The following GLIS3 variants were observed in gnomAD, a reference collection of about 807,000 sequenced individuals.
GLIS3 encodes zinc finger protein GLIS3.
Under a neutral mutation model 78.6 loss-of-function variants are expected in GLIS3, and 53 were observed. That is an observed-to-expected ratio of 0.67 (90% CI 0.54 to 0.85). The LOEUF is 0.85. GLIS3 is among the 40% of genes least tolerant of loss of function. GLIS3 has a pLI of 0.00. For missense variants in GLIS3, 1,703 were observed against 1,231.1 expected, an observed-to-expected ratio of 1.38 and a Z score of -5.74; for synonymous variants, 684 against 509.9, an observed-to-expected ratio of 1.34 and a Z score of -4.60.
intron 2 of GLIS3, among the ~76,000 whole-genome samples, chr9:4,140,893 G>T (rs146942950): frequency 6.6e-6 from 1 of 151,736 alleles, no homozygotes; most frequent in Non-Finnish European, 1.5e-5. Flanking sequence ...CCGCCTCCTG[G>T]GTTCAAGCGA....
rs148129441 is a variant in GLIS3, at chr9:3,931,135, A to C, written c.1983+1225T>G. ...ACATTTCTAGGAAAAAAATGATTTT[A>C]ACAATTAACTTACAAGAGTGGGTTT... On this transcript the variant is annotated intron_variant, in intron 6 of 10. Coordinates refer to ENST00000381971, the MANE Select transcript of GLIS3 (RefSeq NM_001042413.2). 5.0e-3 allele frequency among the ~76,000 whole-genome samples: 755 copies of C among 152,284 alleles called. 11 individuals are homozygous for C. The highest frequency in any genetic ancestry group is 0.017 in the African/African-American group (718 of 41,550).
chr9:3,951,970 C>A (rs181883787), intron 4 of GLIS3, among the ~76,000 whole-genome samples: 84 of 151,944 alleles, frequency 5.5e-4, no homozygotes, highest in Middle Eastern at 3.4e-3. Flanking sequence ...CGGCTGATCA[C>A]TGGCACAATG....
At chr9:4,345,178 G>C (rs763342635) in intron 2 of GLIS3, among the ~76,000 whole-genome samples, 4 of 152,088 alleles carry the variant, frequency 2.6e-5, no homozygotes, top group African/African-American at 9.7e-5. Context: ...TCCTGCCACT[G>C]GGCCCCTGCG....
chr9:4,266,149 A>C (rs144945206), intron 2 of GLIS3, among the ~76,000 whole-genome samples: 45 of 151,768 alleles, frequency 3.0e-4, no homozygotes, highest in African/African-American at 9.9e-4. Flanking sequence ...CGATCTCCTG[A>C]CCTCATGATC....
chr9:4,244,305 T>C (rs1030642520), intron 2 of GLIS3, among the ~76,000 whole-genome samples: 3 of 152,252 alleles, frequency 2.0e-5, no homozygotes, highest in Admixed American at 2.0e-4. Context: ...AATATGTCAG[T>C]GTACTTCAGC....
At chr9:4,450,412 G>A in the GLIS3 span, among the ~76,000 whole-genome samples, 1 of 152,126 alleles carries the variant, frequency 6.6e-6, no homozygotes, top group Non-Finnish European at 1.5e-5. Flanking sequence ...GAACCAAGTT[G>A]GAAAACACTC....
chr9:3,940,825 T>C (rs188196138), intron 4 of GLIS3, among the ~76,000 whole-genome samples: 1 of 152,312 alleles, frequency 6.6e-6, no homozygotes, highest in East Asian at 1.9e-4. Flanking sequence ...ATGTTAGTAA[T>C]TGTATCTACA....
chr9:4,185,742 A>G (rs533058643), intron 2 of GLIS3, among the ~76,000 whole-genome samples: 4 of 152,214 alleles, frequency 2.6e-5, no homozygotes, highest in Non-Finnish European at 5.9e-5. Context: ...CATGTTCAGC[A>G]CAAGGCATCA....
At chr9:4,328,176 C>A (rs1157535382) in intron 2 of GLIS3, among the ~76,000 whole-genome samples, 1 of 152,180 alleles carries the variant, frequency 6.6e-6, no homozygotes, top group Non-Finnish European at 1.5e-5. Flanking sequence ...CTGTTAGAAT[C>A]TGCCCCAAGA....
chr9:4,165,443 A>T (rs530254912), intron 2 of GLIS3, among the ~76,000 whole-genome samples: 24 of 152,380 alleles, frequency 1.6e-4, no homozygotes, highest in African/African-American at 5.5e-4. Context: ...CTCCGTCTCA[A>T]AGACAAAACA....
chr9:3,869,910 A>T (rs1820863691), intron 8 of GLIS3, among the ~76,000 whole-genome samples: 1 of 152,238 alleles, frequency 6.6e-6, no homozygotes, highest in African/African-American at 2.4e-5. Flanking sequence ...GTGAACTGTG[A>T]GAGGCAGAGG....
intron 2 of GLIS3, among the ~76,000 whole-genome samples, chr9:4,224,296 T>A (rs949700347): frequency 6.6e-6 from 1 of 152,210 alleles, no homozygotes; most frequent in Non-Finnish European, 1.5e-5. Flanking sequence ...TCAATCGTGA[T>A]GATAACCAAG....
intron 2 of GLIS3, among the ~76,000 whole-genome samples, chr9:4,261,609 T>C (rs1432078479): frequency 6.6e-6 from 1 of 152,162 alleles, no homozygotes; most frequent in Non-Finnish European, 1.5e-5. Flanking sequence ...AGAGGGTTAC[T>C]CTACTCAGCA....
Position 4,133,825 on chromosome 9 carries a change from T to TACACACACACACAC in GLIS3, c.389-7898_389-7885dup, listed in dbSNP as rs138728219. 1.1e-3 allele frequency among the ~76,000 whole-genome samples: 131 copies of TACACACACACACAC among 121,794 alleles called. 1 individual carries two copies. Among genetic ancestry groups the TACACACACACACAC allele is most frequent in the South Asian group, 2.6e-3 (9 of 3,488 alleles). The allele number at this position is 121,794 out of a possible 152,430, so 79.9% of individuals were successfully genotyped here. A position where few individuals can be genotyped will look rare whatever the true frequency, so the allele number is the denominator to read the frequency against. On this transcript the variant is annotated intron_variant, in intron 2 of 10. Coordinates refer to ENST00000381971, the MANE Select transcript of GLIS3 (RefSeq NM_001042413.2). ...TGATGCCTTCCTGCCCAAGACCTTC[T>TACACACACACACAC]ACACACACACACACACACACACACA...
chr9:4,140,142 G>A (rs1833699756), intron 2 of GLIS3, among the ~76,000 whole-genome samples: 1 of 152,136 alleles, frequency 6.6e-6, no homozygotes, highest in South Asian at 2.1e-4. Flanking sequence ...TGGACAACAT[G>A]GCGAAACGCT....
chr9:3,922,163 G>A (rs10974158), intron 6 of GLIS3, among the ~76,000 whole-genome samples: 14,736 of 152,098 alleles, frequency 0.097, 802 homozygotes, highest in East Asian at 0.15. Flanking sequence ...TCATCTAATT[G>A]TCTGAAAATA....
intron 6 of GLIS3, among the ~76,000 whole-genome samples, chr9:3,918,535 C>G (rs1488170229): frequency 6.6e-6 from 1 of 152,172 alleles, no homozygotes; most frequent in Non-Finnish European, 1.5e-5. Flanking sequence ...ACTTAAACAA[C>G]TGGCATAAGA....
the GLIS3 span, among the ~76,000 whole-genome samples, chr9:4,358,244 C>A: frequency 6.6e-6 from 1 of 152,214 alleles, no homozygotes; most frequent in South Asian, 2.1e-4. Flanking sequence ...GCCAGAGTAA[C>A]AAGGAATTCT....
At chr9:3,838,095 C>T (rs534791434) in intron 9 of GLIS3, among the ~76,000 whole-genome samples, 7 of 152,204 alleles carry the variant, frequency 4.6e-5, no homozygotes, top group African/African-American at 2.4e-5. Context: ...AATGGGTGGG[C>T]ATGTATCTCT....
Sources: gnomAD v4.1 joint callset for allele counts (sites outside exome capture counted in the v4.1 genomes callset) on GRCh38, gnomAD v4.1.1 for gene constraint, MANE v1.5 for transcripts, NCBI Gene and HGNC (gene_info 2026-07-23, HGNC 2026-07-21) for gene names.